FRMPD4: variants seen among roughly 807,000 people sequenced by gnomAD.
FRMPD4 encodes the protein FERM and PDZ domain-containing protein 4.
FRMPD4 carries 22 observed loss-of-function variants against 94.1 expected under a neutral mutation model. The observed-to-expected ratio is 0.23, with a 90% CI of 0.17 to 0.33. The LOEUF (loss-of-function observed/expected upper bound fraction) is 0.33. Ranked by LOEUF, FRMPD4 falls within the 10% of genes least tolerant of loss-of-function variation. FRMPD4 has a pLI of 1.00. For missense variants in FRMPD4, 1,111 were observed against 1,339.9 expected (o/e 0.83, Z 2.67); for synonymous variants, 631 against 548.6 (o/e 1.15, Z -2.10).
At chrX:11,958,170 A>G (rs142766542) in intron 3 of FRMPD4, among the ~76,000 whole-genome samples, 2,387 of 111,665 alleles carry the variant, frequency 0.021, 22 homozygotes, top group Non-Finnish European at 0.035. Context: ...TCTCAAGGAC[A>G]TATGTCTTTA....
At chrX:12,353,012 G>A (rs2055838746) in intron 1 of FRMPD4, among the ~76,000 whole-genome samples, 1 of 111,882 alleles carries the variant, frequency 8.9e-6, no homozygotes, top group African/African-American at 3.3e-5. Flanking sequence ...AACCTAGAAT[G>A]GAATATTCTG....
chrX:12,326,161 T>A (rs972725468), intron 1 of FRMPD4, among the ~76,000 whole-genome samples: 16 of 112,174 alleles, frequency 1.4e-4, no homozygotes, highest in Non-Finnish European at 3.8e-5. Flanking sequence ...GTATTCCTCC[T>A]ATTTTTTTTA....
At chrX:12,587,786 A>T (rs2058946212) in intron 2 of FRMPD4, among the ~76,000 whole-genome samples, 1 of 111,116 alleles carries the variant, frequency 9.0e-6, no homozygotes, top group South Asian at 3.8e-4. Flanking sequence ...TTGTTTGAAC[A>T]CCTGTTTTAA....
At chrX:11,990,807 A>T (rs1211525405) in intron 3 of FRMPD4, among the ~76,000 whole-genome samples, 1 of 111,795 alleles carries the variant, frequency 8.9e-6, no homozygotes, top group African/African-American at 3.2e-5. Flanking sequence ...TCTGGTGTGG[A>T]GCTAGGTCCT....
intron 3 of FRMPD4, among the ~76,000 whole-genome samples, chrX:11,878,270 C>G (rs2053796013): frequency 8.9e-6 from 1 of 112,286 alleles, no homozygotes; most frequent in African/African-American, 3.2e-5. Flanking sequence ...CCGTATACTA[C>G]TTTGGTCATT....
At chrX:12,135,029 T>C (rs1225684657), upstream of FRMPD4, among the ~76,000 whole-genome samples, 1 of 112,142 alleles carries the variant, frequency 8.9e-6, no homozygotes, top group Non-Finnish European at 1.9e-5. Context: ...GAGTCTTTTA[T>C]TCATGAGTAC....
At chrX:12,144,036 T>C (rs1265943933) in intron 1 of FRMPD4, among the ~76,000 whole-genome samples, 1 of 112,148 alleles carries the variant, frequency 8.9e-6, no homozygotes, top group Non-Finnish European at 1.9e-5. Context: ...ATACTACTTG[T>C]ATAGCCTCAA....
At chrX:12,033,940 G>A (rs890201232) in intron 3 of FRMPD4, among the ~76,000 whole-genome samples, 14 of 112,052 alleles carry the variant, frequency 1.2e-4, no homozygotes, top group African/African-American at 4.5e-4. Flanking sequence ...CAGGTGATCC[G>A]CCCGCCTCGG....
At chrX:11,942,965 T>C (rs1189741039) in intron 3 of FRMPD4, among the ~76,000 whole-genome samples, 1 of 112,160 alleles carries the variant, frequency 8.9e-6, no homozygotes, top group East Asian at 2.8e-4. Context: ...TTCATATAAA[T>C]TGGATCTATT....
At chrX:12,439,796 T>C (rs2057114349) in intron 1 of FRMPD4, among the ~76,000 whole-genome samples, 1 of 112,006 alleles carries the variant, frequency 8.9e-6, no homozygotes, top group Admixed American at 9.5e-5. Flanking sequence ...AGGCATTGTT[T>C]GTTAAAATGC....
chrX:11,857,815 G>A (rs1315910279), intron 1 of FRMPD4, among the ~76,000 whole-genome samples: 1 of 112,411 alleles, frequency 8.9e-6, no homozygotes, highest in Non-Finnish European at 1.9e-5. Flanking sequence ...TGCATTTGAC[G>A]AAGGTTTAAT....
chrX:12,537,793 T>C (rs2058357435), intron 2 of FRMPD4, among the ~76,000 whole-genome samples: 1 of 110,600 alleles, frequency 9.0e-6, no homozygotes, highest in Non-Finnish European at 1.9e-5. Flanking sequence ...AGCACGCCTA[T>C]TGTCTGAATT....
chrX:12,453,381 G>A (rs1222318234), intron 1 of FRMPD4, among the ~76,000 whole-genome samples: 1 of 111,907 alleles, frequency 8.9e-6, no homozygotes, highest in Non-Finnish European at 1.9e-5. Flanking sequence ...TAGATTTTTT[G>A]TTGTTTATAT....
At chrX:12,174,971 A>G (rs1432687127) in intron 1 of FRMPD4, among the ~76,000 whole-genome samples, 1 of 112,315 alleles carries the variant, frequency 8.9e-6, no homozygotes, top group Non-Finnish European at 1.9e-5. Context: ...TACCTTTATG[A>G]TGGCACAGTT....
intron 3 of FRMPD4, among the ~76,000 whole-genome samples, chrX:11,934,976 T>G (rs1601846861): frequency 9.0e-6 from 1 of 110,922 alleles, no homozygotes; most frequent in East Asian, 2.8e-4. Flanking sequence ...TGATCTTTTC[T>G]TGTGAATGTT....
In FRMPD4 at chrX:12,107,818, T is replaced by A. The variant is rs2055313825; in HGVS notation, c.95+229800T>A. On this transcript the variant is annotated intron_variant, in intron 3 of 18. Coordinates refer to the FRMPD4 transcript ENST00000640291. ...AATTTGATCAACTGGAAGAAAGGGT[T>A]TCAGTGATTAAAGATCAAATGAATG... is the stretch of plus-strand genomic sequence containing the variant. Among the ~76,000 whole-genome samples, 4 of 111,397 alleles carry A rather than the reference T, an allele frequency of 3.6e-5. No individual in the cohort carries two copies. In the Admixed American group the frequency reaches 3.8e-4, roughly 11 times the overall value.
intron 3 of FRMPD4, among the ~76,000 whole-genome samples, chrX:11,935,072 ATTT>A (rs753999126): frequency 2.5e-5 from 1 of 40,239 alleles, no homozygotes; most frequent in Non-Finnish European, 4.4e-5. Context: ...ACTATTGGTG[ATTT>A]TTTTTTTTTT....
chrX:12,676,555 T>TG (rs1267322572), intron 5 of FRMPD4, among the ~76,000 whole-genome samples: 1 of 112,351 alleles, frequency 8.9e-6, no homozygotes, highest in Non-Finnish European at 1.9e-5. Context: ...GTGTTTTGTT[T>TG]TTTGTTTGTT....
At chrX:12,678,866 C>A (rs2059931782) in intron 5 of FRMPD4, among the ~76,000 whole-genome samples, 2 of 112,413 alleles carry the variant, frequency 1.8e-5, no homozygotes. Context: ...CCTCATGCAA[C>A]CCCAACTCAA....
Sources: gnomAD v4.1 joint callset for allele counts (sites outside exome capture counted in the v4.1 genomes callset) on GRCh38, gnomAD v4.1.1 for gene constraint, MANE v1.5 for transcripts, NCBI Gene and HGNC (gene_info 2026-07-23, HGNC 2026-07-21) for gene names.